DOCK8: variants seen among roughly 807,000 people sequenced by gnomAD.
The protein encoded by DOCK8 is dedicator of cytokinesis protein 8.
In DOCK8, 141 loss-of-function variants were observed where a neutral mutation model predicts 245.6. The ratio of observed to expected loss-of-function variants is 0.57; its 90% CI spans 0.50 to 0.66. DOCK8 has a LOEUF of 0.66. Ranked by LOEUF, DOCK8 falls within the 30% of genes least tolerant of loss-of-function variation. DOCK8 has a pLI of 0.00. For missense variants in DOCK8, 2,965 were observed against 2,603.4 expected (o/e 1.14, Z -3.02); for synonymous variants, 1,168 against 970.2 (o/e 1.20, Z -3.79).
At chr9:346,886 T>C (rs545845470) in intron 14 of DOCK8, among the ~76,000 whole-genome samples, 1 of 152,114 alleles carries the variant, frequency 6.6e-6, no homozygotes. Flanking sequence ...CAGAAATAAC[T>C]GCAAACGAAG....
At chr9:338,953 C>T in intron 12 of DOCK8, 53 bp from the exon 13 acceptor site, 1 of 1,507,024 alleles carries the variant, frequency 6.6e-7, no homozygotes. Flanking sequence ...CGTTTGTCCC[C>T]AACCCAAGAG....
intron 14 of DOCK8, among the ~76,000 whole-genome samples, chr9:361,410 A>G (rs1171166904): frequency 6.6e-6 from 1 of 152,212 alleles, no homozygotes; most frequent in Non-Finnish European, 1.5e-5. Flanking sequence ...TGTTCACACA[A>G]TCCTGGTAAG....
At position 372,270 on chromosome 9, in the gene DOCK8, C is replaced by G; in HGVS notation, c.2093C>G (p.Ser698Cys). ...VALEKLPPNYSMHSAEKVPLQ... is the reference protein window; with the variant it reads ...VALEKLPPNYCMHSAEKVPLQ... ...TTGGAAAAATTGCCACCCAACTACT[C>G]CATGCATTCTGCTGAGGTAATTGGC... Residue 698 changes from serine (S) to cysteine (C), a missense_variant, in exon 18 of 48, where the codon TCC (serine) becomes TGC (cysteine). Physicochemically the swap from Ser to Cys is moderately radical, Grantham distance 112 (BLOSUM62 -1). Coordinates refer to ENST00000432829, the MANE Select transcript of DOCK8 (RefSeq NM_203447.4). 1 of 1,613,870 alleles carries G rather than the reference C, an allele frequency of 6.2e-7. No homozygotes were observed. The highest frequency in any genetic ancestry group is 8.5e-7 in the Non-Finnish European group (1 of 1,179,822).
Position 390,542 on chromosome 9 carries a change from T to C in DOCK8, c.2946T>C (p.Tyr982=), listed in dbSNP as rs762327114. Residue 982 remains tyrosine (Y), a synonymous_variant, in exon 24 of 48, where the codon TAT becomes TAC. Transcript: ENST00000432829. ...TGMVRETVFK[Y]AWFFFELLVK... ...TGGTGAGAGAAACAGTCTTCAAGTA[T>C]GCCTGGTTCTTCTTTGAGCTTCTGG... 3.1e-6 allele frequency: 5 copies of C among 1,614,228 alleles called. No individual in the cohort carries two copies. In the East Asian group the frequency reaches 8.9e-5, roughly 29 times the overall value.
At position 386,126 on chromosome 9, in the gene DOCK8, C is replaced by T. The variant is rs1334391777; in HGVS notation, c.2779-205C>T. 3.9e-5 allele frequency among the ~76,000 whole-genome samples: 6 copies of T among 152,222 alleles called. No homozygotes were observed. The South Asian group carries it at 6.2e-4, about 16-fold the overall frequency. ...TAGGTTGCTACACACAAACTATTAA[C>T]GGGTGTTGTCTCAAGAGCAAGTAAA... On this transcript the variant is annotated intron_variant, in intron 22 of 47. Transcript: ENST00000432829.
At chr9:422,333 T>A (rs527937696) in intron 33 of DOCK8, among the ~76,000 whole-genome samples, 198 bp downstream of exon 33, 1 of 152,304 alleles carries the variant, frequency 6.6e-6, no homozygotes, top group East Asian at 1.9e-4. Flanking sequence ...CTTAAAAATT[T>A]GTCACATTGA....
intron 14 of DOCK8, among the ~76,000 whole-genome samples, chr9:347,120 T>C (rs1349446890): frequency 2.6e-5 from 4 of 152,134 alleles, no homozygotes; most frequent in African/African-American, 4.8e-5. Flanking sequence ...TCTGACACTC[T>C]CTTTTGTTCA....
At chr9:256,224 A>G (rs2047770947) in intron 1 of DOCK8, among the ~76,000 whole-genome samples, 1 of 152,214 alleles carries the variant, frequency 6.6e-6, no homozygotes, top group Non-Finnish European at 1.5e-5. Context: ...TTTGCAGAAC[A>G]ATAAAGGACA....
intron 1 of DOCK8, among the ~76,000 whole-genome samples, chr9:237,100 G>A (rs1215568764): frequency 1.3e-5 from 2 of 152,226 alleles, no homozygotes; most frequent in East Asian, 3.8e-4. Flanking sequence ...TGCCACAAAA[G>A]CCCAGTCACA....
chr9:226,817 CA>C (rs1440605774), intron 1 of DOCK8, among the ~76,000 whole-genome samples: 1 of 152,060 alleles, frequency 6.6e-6, no homozygotes, highest in African/African-American at 2.4e-5. Flanking sequence ...ATCTGAAACT[CA>C]GGGGAGAAGT....
At chr9:356,255 G>A (rs2026641) in intron 14 of DOCK8, among the ~76,000 whole-genome samples, 3 of 152,070 alleles carry the variant, frequency 2.0e-5, no homozygotes, top group Middle Eastern at 3.4e-3. Flanking sequence ...TTGGCTGGGC[G>A]TGGTGGCTCA....
chr9:375,489 T>G (rs1444842690), intron 18 of DOCK8, among the ~76,000 whole-genome samples: 1 of 152,216 alleles, frequency 6.6e-6, no homozygotes, highest in African/African-American at 2.4e-5. Flanking sequence ...AGTATTAAAA[T>G]TTCATGTCTT....
chr9:344,695 A>G (rs1224804837), intron 14 of DOCK8, among the ~76,000 whole-genome samples: 2 of 152,150 alleles, frequency 1.3e-5, no homozygotes, highest in Non-Finnish European at 2.9e-5. Flanking sequence ...AACGATCTCT[A>G]AACTCATTTG....
rs370123223 is a variant in DOCK8 at position 428,369 on chromosome 9, C to T, written c.4346C>T (p.Ser1449Leu). Residue 1449 changes from serine (S) to leucine (L), a missense_variant, in exon 35 of 48, where the codon TCG becomes TTG. Transcript: ENST00000432829. ...DMQENIIQAS[S>L]ALDCKDSLLG... ...GTTCTTCCATTCCCCCAGGCGAGCT[C>T]GGCTCTGGACTGTAAAGACAGCCTG... The T allele has an allele frequency of 1.0e-4, 165 of 1,614,110 alleles. 1 individual carries two copies. The Middle Eastern group carries it at 9.6e-3, about 94-fold the overall frequency.
At chr9:417,043 C>A (rs1375513383) in intron 29 of DOCK8, among the ~76,000 whole-genome samples, 2 of 152,092 alleles carry the variant, frequency 1.3e-5, no homozygotes, top group East Asian at 1.9e-4. Flanking sequence ...CCCTGTAATC[C>A]CAGCACTTTG....
At chr9:407,114 G>A in intron 28 of DOCK8, 45 bp downstream of exon 28, 1 of 1,613,450 alleles carries the variant, frequency 6.2e-7, no homozygotes. Context: ...CAAAAAAACA[G>A]ATGTTCTTTA....
At chr9:223,374 A>G (rs2046925551) in intron 1 of DOCK8, among the ~76,000 whole-genome samples, 1 of 152,190 alleles carries the variant, frequency 6.6e-6, no homozygotes. Flanking sequence ...AAGCCCCAGA[A>G]ATACAAAGAC....
intron 9 of DOCK8, among the ~76,000 whole-genome samples, chr9:330,299 C>T (rs921358729): frequency 6.6e-6 from 1 of 151,978 alleles, no homozygotes; most frequent in African/African-American, 2.4e-5. Context: ...ATTGGTATGC[C>T]GTGCCCAATT....
intron 1 of DOCK8, among the ~76,000 whole-genome samples, chr9:254,042 A>G (rs1235916980): frequency 6.6e-6 from 1 of 152,222 alleles, no homozygotes; most frequent in Non-Finnish European, 1.5e-5. Flanking sequence ...CATTTTTAGG[A>G]AAGCACTTTT....
Sources: gnomAD v4.1 joint callset for allele counts (sites outside exome capture counted in the v4.1 genomes callset) on GRCh38, gnomAD v4.1.1 for gene constraint, MANE v1.5 for transcripts, NCBI Gene and HGNC (gene_info 2026-07-23, HGNC 2026-07-21) for gene names.